Variants in TRPV3 observed in about 807,000 individuals in gnomAD.
TRPV3 encodes transient receptor potential cation channel subfamily V member 3.
Under a neutral mutation model 87.1 loss-of-function variants are expected in TRPV3, and 88 were observed. The ratio of observed to expected loss-of-function variants is 1.01; its 90% CI spans 0.85 to 1.21. The LOEUF (loss-of-function observed/expected upper bound fraction) is 1.21. Among genes scored for constraint, TRPV3 ranks in the 50% most tolerant of loss-of-function variants. The pLI is 0.00. For synonymous variants in TRPV3, 438 were observed against 423.3 expected, an observed-to-expected ratio of 1.03 and a Z score of -0.43; for missense variants, 1,054 against 1,030.1, an observed-to-expected ratio of 1.02 and a Z score of -0.32.
At chr17:3,542,303 G>A (rs955330704) in intron 6 of TRPV3, among the ~76,000 whole-genome samples, 2 of 152,224 alleles carry the variant, frequency 1.3e-5, no homozygotes, top group African/African-American at 4.8e-5. Context: ...GCATGCCCAT[G>A]CCAAAAACAA....
rs1163770918 is a variant in TRPV3, at chr17:3,556,361, T to C, written c.-3+1315A>G. Among the ~76,000 whole-genome samples, 3 of 139,626 alleles carry C rather than the reference T, an allele frequency of 2.1e-5. No homozygotes were observed. In the East Asian group the frequency reaches 6.3e-4, roughly 29 times the overall value. The allele number at this position is 139,626 out of a possible 152,430, so 91.6% of individuals were successfully genotyped here. A position where few individuals can be genotyped will look rare whatever the true frequency, so the allele number is the denominator to read the frequency against. On this transcript the variant is annotated intron_variant, in intron 1 of 17. Coordinates refer to ENST00000576742, the MANE Select transcript of TRPV3 (RefSeq NM_145068.4). This position sits in a 1 kb window ranked among gnomAD's most constrained non-coding sequence, Gnocchi z 4.2. The stretch of plus-strand genomic sequence containing the variant: ...CAGGAGGAGGCTGCTGCAGGGGCCA[T>C]AGGGACGGGGAAGGGGGCCAGCTGG...
chr17:3,521,937 G>A (rs2074249827), intron 13 of TRPV3, among the ~76,000 whole-genome samples: 1 of 151,980 alleles, frequency 6.6e-6, no homozygotes, highest in African/African-American at 2.4e-5. Context: ...TTAGCTGGGT[G>A]TGGTGGCACA....
At chr17:3,531,669 C>T (rs2074350540) in intron 8 of TRPV3, among the ~76,000 whole-genome samples, 1 of 152,220 alleles carries the variant, frequency 6.6e-6, no homozygotes, top group Non-Finnish European at 1.5e-5. Flanking sequence ...GGAAGACGGC[C>T]TTGGAGAAGG....
In TRPV3 at chr17:3,528,097, G is replaced by A; in HGVS notation, c.1431C>T (p.His477=). ...CTAGGAGCTGCAGCCACCCCATCTT[G>A]TGCGTCAGGGCCAAGGGGTGCGGGA... ...EAIPHPLALT[H]KMGWLQLLGR... The change falls in exon 11 of 18, where the codon CAC becomes CAT. Residue 477 remains histidine (H), a synonymous_variant. Transcript: ENST00000576742. This position sits in a 1 kb window ranked among gnomAD's most constrained non-coding sequence, Gnocchi z 4.2. 1 of 1,613,626 alleles carries A rather than the reference G, an allele frequency of 6.2e-7. No homozygotes were observed. The highest frequency in any genetic ancestry group is 8.5e-7 in the Non-Finnish European group (1 of 1,179,892).
intron 2 of TRPV3, among the ~76,000 whole-genome samples, chr17:3,549,414 T>G (rs1426658363): frequency 1.3e-5 from 2 of 152,200 alleles, no homozygotes; most frequent in African/African-American, 2.4e-5. Context: ...CTTTCCACAC[T>G]CTGGACAATA....
chr17:3,542,609 T>A lies in TRPV3; in HGVS notation c.556A>T (p.Ile186Leu). 3 of 1,613,942 alleles carry A rather than the reference T, an allele frequency of 1.9e-6. No individual in the cohort carries two copies. The highest frequency in any genetic ancestry group is 2.5e-6 in the Non-Finnish European group (3 of 1,179,910). The change falls in exon 6 of 18, where the codon ATA becomes TTA. Residue 186 changes from isoleucine to leucine, a missense_variant. By Grantham distance (5) the Ile-to-Leu change is conservative. Coordinates refer to ENST00000576742, the MANE Select transcript of TRPV3 (RefSeq NM_145068.4). ...GCAAAGGCAAGCAGGATCCGCACTA[T>A]CTCCTTGGTGTTGGGGTTGATGTTT... ...LLNINPNTKE[I>L]VRILLAFAEE... is the part of the protein sequence containing the mutation.
At chr17:3,519,302 G>A (rs2074210706) in intron 14 of TRPV3, among the ~76,000 whole-genome samples, 1 of 152,098 alleles carries the variant, frequency 6.6e-6, no homozygotes, top group Non-Finnish European at 1.5e-5. Context: ...ACACACCACA[G>A]TAGAGGTTCA....
At chr17:3,541,128 G>C (rs1348416416) in intron 6 of TRPV3, among the ~76,000 whole-genome samples, 1 of 152,196 alleles carries the variant, frequency 6.6e-6, no homozygotes, top group African/African-American at 2.4e-5. Flanking sequence ...CACTTTGGGA[G>C]GTGAAGGCAG....
chr17:3,521,028 A>C lies in TRPV3; in HGVS notation c.1755T>G (p.His585Gln), dbSNP rs758356224. 2.6e-5 allele frequency: 41 copies of C among 1,607,046 alleles called. 1 individual carries two copies. The African/African-American group carries it at 4.0e-4, about 16-fold the overall frequency. The change falls in exon 14 of 18, where the codon CAT becomes CAG. Residue 585 changes from histidine (H) to glutamine (Q), a missense_variant. Coordinates refer to ENST00000576742, the MANE Select transcript of TRPV3 (RefSeq NM_145068.4). ...ATACAAACAAGAACTTCAGAACATCATGCAAAATGACCTATAAGGAAATAA... is the reference window on the plus strand; with the variant it reads ...ATACAAACAAGAACTTCAGAACATCCTGCAAAATGACCTATAAGGAAATAA... ...YSVMIQKVIL[H>Q]DVLKFLFVYI...
At chr17:3,550,226 C>A (rs1028645383) in intron 2 of TRPV3, among the ~76,000 whole-genome samples, 6 of 152,136 alleles carry the variant, frequency 3.9e-5, no homozygotes, top group Admixed American at 6.5e-5. Flanking sequence ...CTCTCCTAAG[C>A]CTCATCCCCT....
In TRPV3 at chr17:3,530,033, G is replaced by A. The variant is rs141578451; in HGVS notation, c.1236C>T (p.Asn412=). 3.9e-4 allele frequency: 635 copies of A among 1,612,212 alleles called. No individual in the cohort carries two copies. The highest frequency in any genetic ancestry group is 4.9e-4 in the Non-Finnish European group (579 of 1,179,054). The change falls in exon 9 of 18, where the codon AAC becomes AAT. Residue 412 remains asparagine (N), a synonymous_variant. Coordinates refer to ENST00000576742, the MANE Select transcript of TRPV3 (RefSeq NM_145068.4). This position sits in a 1 kb window ranked among gnomAD's most constrained non-coding sequence, Gnocchi z 4.0. ...SVLEITVYNT[N]IDNRHEMLTL... ...GCCTGTGCAGGAGACCCACGTCGAT[G>A]TTGGTGTTGTAGACAGTGATTTCCA...
intron 5 of TRPV3, among the ~76,000 whole-genome samples, chr17:3,542,921 C>T (rs769327656): frequency 1.3e-5 from 2 of 152,078 alleles, no homozygotes; most frequent in Admixed American, 1.3e-4. Context: ...GTATCTGAGG[C>T]CTTTTGCTCT....
At chr17:3,514,313 AG>A (rs1008744548) in intron 17 of TRPV3, 1 of 509,884 alleles carries the variant, frequency 2.0e-6, no homozygotes, top group African/African-American at 1.9e-5. Flanking sequence ...TCCTGACCTC[AG>A]GTGATTCACC....
rs1412418097 is a variant in TRPV3 at position 3,511,278 on chromosome 17, A to G, written c.*2639T>C. The stretch of plus-strand genomic sequence containing the variant: ...TGTTGACTGCCAAATGAGACACCTG[A>G]GAAAATAGTCCTGCCCCCCAATATA... On this transcript the variant is annotated 3_prime_UTR_variant, in exon 18 of 18. Coordinates refer to ENST00000576742, the MANE Select transcript of TRPV3 (RefSeq NM_145068.4). The G allele has an allele frequency of 6.6e-6, 1 of 152,202 alleles. No individual in the cohort carries two copies. Among genetic ancestry groups the G allele is most frequent in the Non-Finnish European group, 1.5e-5 (1 of 68,030 alleles). The allele number at this position is 152,202 out of a possible 1,614,324, so 9.4% of individuals were successfully genotyped here.
rs749054622 is a variant in TRPV3, at chr17:3,530,075, G to A, written c.1194C>T (p.Thr398=). The A allele has an allele frequency of 1.2e-6, 2 of 1,614,088 alleles. No individual in the cohort carries two copies. The highest frequency in any genetic ancestry group is 2.2e-5 in the South Asian group (2 of 91,026). Residue 398 remains threonine, a synonymous_variant, in exon 9 of 18, where the codon ACC becomes ACT. Transcript: ENST00000576742. This position sits in a 1 kb window ranked among gnomAD's most constrained non-coding sequence, Gnocchi z 4.0. ...TGATTTCCAGCACTGAGTTGTCCGT[G>A]GTGGTGTCCACGTTGGTGAGGTCGT... The part of the protein sequence containing the change: ...SLYDLTNVDT[T]TDNSVLEITV...
chr17:3,542,779 C>T lies in TRPV3; in HGVS notation c.467-81G>A. On this transcript the variant is annotated intron_variant, in intron 5 of 17. Transcript: ENST00000576742. Reference sequence around the variant, plus strand: ...CCCAGCCCAGAGGGTGTGGTTGCTGCAGCCGCAGACCCCAAGCCCCTGCTC... The same window carrying T: ...CCCAGCCCAGAGGGTGTGGTTGCTGTAGCCGCAGACCCCAAGCCCCTGCTC... The T allele has an allele frequency of 4.1e-6, 6 of 1,458,928 alleles. No individual in the cohort carries two copies. In the South Asian group the frequency reaches 5.3e-5, roughly 13 times the overall value. 90.4% of individuals were successfully genotyped at this position (1,458,928 alleles called of 1,614,324 possible).
In TRPV3 at chr17:3,530,377, G is replaced by A. The variant is rs891515954; in HGVS notation, c.1066-174C>T. 7 of 538,818 alleles carry A rather than the reference G, an allele frequency of 1.3e-5. No individual in the cohort carries two copies. The highest frequency in any genetic ancestry group is 2.1e-5 in the Non-Finnish European group (7 of 329,588). The allele number at this position is 538,818 out of a possible 1,614,324, so 33.4% of individuals were successfully genotyped here. A position where few individuals can be genotyped will look rare whatever the true frequency, so the allele number is the denominator to read the frequency against. ...GGCCCCGTCTTTATCTGTGGAATGC[G>A]CACAAAGCTTGCTGTTCCGCCCATC... On this transcript the variant is annotated intron_variant, in intron 8 of 17. Transcript: ENST00000576742. The surrounding 1 kb of genome is among the most constrained non-coding windows in gnomAD (Gnocchi z 4.0).
chr17:3,551,870 C>CATT (rs2074578115), intron 2 of TRPV3, among the ~76,000 whole-genome samples: 1 of 43,360 alleles, frequency 2.3e-5, no homozygotes, highest in Non-Finnish European at 4.2e-5. Context: ...GTAATTTATT[C>CATT]TTTTTTTTTT....
In TRPV3 at chr17:3,556,501, T is replaced by C. The variant is rs1219893287; in HGVS notation, c.-3+1175A>G. ...CTCAGGGGACTCACCTGGCGACACA[T>C]AGGTGGGGGCAGGAAGACGGATTTC... is the stretch of plus-strand genomic sequence containing the variant. On this transcript the variant is annotated intron_variant, in intron 1 of 17. Transcript: ENST00000576742. The surrounding 1 kb of genome is among the most constrained non-coding windows in gnomAD (Gnocchi z 4.2). 2.0e-5 allele frequency among the ~76,000 whole-genome samples: 3 copies of C among 151,660 alleles called. No homozygotes were observed. The highest frequency in any genetic ancestry group is 1.9e-4 in the East Asian group (1 of 5,152).
Sources: gnomAD v4.1 joint callset for allele counts (sites outside exome capture counted in the v4.1 genomes callset) on GRCh38, gnomAD v4.1.1 for gene constraint, Gnocchi (gnomAD v3.1) non-coding constraint, MANE v1.5 for transcripts, NCBI Gene and HGNC (gene_info 2026-07-23, HGNC 2026-07-21) for gene names.